INO80D: variants seen among roughly 807,000 people sequenced by gnomAD.
INO80D encodes INO80 complex subunit D.
A neutral mutation model predicts 87.6 loss-of-function variants in INO80D; 21 were observed. That is an observed-to-expected ratio of 0.24 (90% CI 0.17 to 0.35). The LOEUF (loss-of-function observed/expected upper bound fraction) is 0.35, where lower values mean the gene tolerates loss of function less well. Among genes scored for constraint, INO80D ranks in the 10% least tolerant of loss-of-function variants. INO80D has a pLI of 1.00. For missense variants in INO80D, 982 were observed against 1,280.7 expected (o/e 0.77, Z 3.56); for synonymous variants, 440 against 491.0 (o/e 0.90, Z 1.37).
intron 1 of INO80D, among the ~76,000 whole-genome samples, chr2:206,063,978 T>G (rs554107541): frequency 6.6e-6 from 1 of 152,294 alleles, no homozygotes; most frequent in Non-Finnish European, 1.5e-5. Flanking sequence ...TTTATAAATT[T>G]TTCTATGAAA....
chr2:206,068,431 T>C (rs1689876810), intron 1 of INO80D, among the ~76,000 whole-genome samples: 1 of 152,016 alleles, frequency 6.6e-6, no homozygotes, highest in Non-Finnish European at 1.5e-5. Flanking sequence ...GTCAGCAAAC[T>C]AAACTATTTC....
At chr2:206,054,626 A>C (rs1288476830) in intron 4 of INO80D, among the ~76,000 whole-genome samples, 1 of 151,406 alleles carries the variant, frequency 6.6e-6, no homozygotes, top group Non-Finnish European at 1.5e-5. Flanking sequence ...CAATTCTCCC[A>C]CCTCAGCCTC....
intron 5 of INO80D, among the ~76,000 whole-genome samples, chr2:206,030,419 C>A (rs897857326): frequency 1.3e-5 from 2 of 151,130 alleles, no homozygotes; most frequent in African/African-American, 4.9e-5. Flanking sequence ...ACTGAGACCA[C>A]AGCAGTGCAC....
rs1278841159 is a variant in INO80D, at chr2:206,047,225, C to CT, written c.965-614dup. 9.3e-5 allele frequency among the ~76,000 whole-genome samples: 14 copies of CT among 150,786 alleles called. No individual in the cohort carries two copies. In the South Asian group the frequency reaches 1.1e-3, roughly 11 times the overall value. Reference sequence around the variant, plus strand: ...GTCACAAAAAGGCAGAATTTCTTTTCTTTTTTTTTGAGACAGGGTCTTGCT... The same window carrying CT: ...GTCACAAAAAGGCAGAATTTCTTTTCTTTTTTTTTTGAGACAGGGTCTTGCT... On this transcript the variant is annotated intron_variant, in intron 4 of 10. Transcript: ENST00000403263.
intron 1 of INO80D, among the ~76,000 whole-genome samples, chr2:206,068,979 G>T (rs1050651806): frequency 2.0e-4 from 30 of 152,140 alleles, no homozygotes; most frequent in Non-Finnish European, 8.8e-5. Flanking sequence ...GGGATTACAG[G>T]CCTGAGTCAC....
At chr2:206,044,096 G>A (rs971930309) in intron 5 of INO80D, among the ~76,000 whole-genome samples, 4 of 152,098 alleles carry the variant, frequency 2.6e-5, no homozygotes, top group Admixed American at 6.6e-5. Flanking sequence ...GGGAGGCTGT[G>A]GCAGGAGGAT....
Position 206,009,620 on chromosome 2 carries a change from T to C in INO80D, c.1717A>G (p.Met573Val). 6.2e-7 allele frequency: 1 copy of C among 1,613,890 alleles called. No homozygotes were observed. The highest frequency in any genetic ancestry group is 8.5e-7 in the Non-Finnish European group (1 of 1,179,876). ...ACTGGCAGTGAGACGCTGGCGGGCATGCTGAGGTTCCCTTGGGGGACTGCA... is the reference window on the plus strand; with the variant it reads ...ACTGGCAGTGAGACGCTGGCGGGCACGCTGAGGTTCCCTTGGGGGACTGCA... Reference protein sequence around the residue: ...PPAVPQGNLSMPASVSLPVEA... With the variant: ...PPAVPQGNLSVPASVSLPVEA... The change falls in exon 9 of 11, where the codon ATG becomes GTG. Residue 573 changes from methionine (M) to valine (V), a missense_variant. Transcript: ENST00000403263.
At position 206,056,348 on chromosome 2, in the gene INO80D, C is replaced by A. The variant is rs769950541; in HGVS notation, c.814G>T (p.Ala272Ser). 1 of 1,613,860 alleles carries A rather than the reference C, an allele frequency of 6.2e-7. No individual in the cohort carries two copies. The highest frequency in any genetic ancestry group is 8.5e-7 in the Non-Finnish European group (1 of 1,179,872). ...RPLPLLPSSR[A>S]PTVDPPRTDR... is the part of the protein sequence containing the mutation. ...GTCCTGGGTGGGTCCACAGTGGGAG[C>A]CCTACTGGATGGCAGGAGGGGCAGA... is the stretch of plus-strand genomic sequence containing the variant. Residue 272 changes from alanine to serine, a missense_variant, in exon 4 of 11, where the codon GCT becomes TCT. Physicochemically the swap from Ala to Ser is moderately conservative, Grantham distance 99. Coordinates refer to ENST00000403263, the MANE Select transcript of INO80D (RefSeq NM_017759.5).
At chr2:206,063,809 T>C (rs377370734) in intron 1 of INO80D, 69 of 152,340 alleles carry the variant, frequency 4.5e-4, no homozygotes, top group African/African-American at 1.5e-3. Context: ...ACCAAATGAA[T>C]GTCACAGGTA....
In INO80D at chr2:205,999,154, G is replaced by A. The variant is rs1284848342; in HGVS notation, c.*5214C>T. On this transcript the variant is annotated 3_prime_UTR_variant, in exon 11 of 11. Transcript: ENST00000403263. ...AAGGGGAACTTTGGGTGCATACAGA[G>A]CTTACTTCAGTGGTCCCCAGCTTAA... 6.6e-6 allele frequency: 1 copy of A among 152,224 alleles called. No individual in the cohort carries two copies. The highest frequency in any genetic ancestry group is 1.5e-5 in the Non-Finnish European group (1 of 68,100). The allele number at this position is 152,224 out of a possible 1,614,324, so 9.4% of individuals were successfully genotyped here.
At chr2:206,054,272 T>C (rs751704715) in intron 4 of INO80D, among the ~76,000 whole-genome samples, 2 of 151,556 alleles carry the variant, frequency 1.3e-5, no homozygotes, top group Non-Finnish European at 2.9e-5. Context: ...TCCTCCCACC[T>C]CGGCCTCCCA....
At chr2:206,029,372 T>C (rs1254810038) in intron 5 of INO80D, among the ~76,000 whole-genome samples, 1 of 152,204 alleles carries the variant, frequency 6.6e-6, no homozygotes, top group Non-Finnish European at 1.5e-5. Flanking sequence ...TTTTTAGCAA[T>C]GGCTACCACC....
In INO80D at chr2:206,007,339, A is replaced by G; in HGVS notation, c.1863T>C (p.Phe621=). 1 of 1,613,830 alleles carries G rather than the reference A, an allele frequency of 6.2e-7. No homozygotes were observed. The highest frequency in any genetic ancestry group is 1.3e-5 in the African/African-American group (1 of 75,042). Reference sequence around the variant, plus strand: ...CAGGTAGCCGTGGCAGGACATCTGAAAAGTCCTCCTGGTTCAATTCCAAGT... The same window carrying G: ...CAGGTAGCCGTGGCAGGACATCTGAGAAGTCCTCCTGGTTCAATTCCAAGT... ...PHDLELNQED[F]SDVLPRLPDD... is the part of the protein sequence containing the mutation. Residue 621 remains phenylalanine (F), a synonymous_variant, in exon 10 of 11, where the codon TTT becomes TTC. Transcript: ENST00000403263.
intron 1 of INO80D, among the ~76,000 whole-genome samples, chr2:206,065,682 C>T (rs1689796185): frequency 6.6e-6 from 1 of 151,900 alleles, no homozygotes. Flanking sequence ...AAACAAACAT[C>T]TCAAAAGAAA....
At chr2:206,016,917 G>A (rs903411619) in intron 8 of INO80D, among the ~76,000 whole-genome samples, 6 of 152,166 alleles carry the variant, frequency 3.9e-5, no homozygotes, top group South Asian at 2.1e-4. Context: ...AGAACTGTGA[G>A]TCCAATTAAA....
chr2:206,046,518 T>C lies in INO80D; in HGVS notation c.1059A>G (p.Arg353=), dbSNP rs1689199167. 6.2e-7 allele frequency: 1 copy of C among 1,606,540 alleles called. No homozygotes were observed. Among genetic ancestry groups the C allele is most frequent in the South Asian group, 1.1e-5 (1 of 90,890 alleles). The part of the protein sequence containing the change: ...QVAWSIRETL[R]YQRHASDDDD... ...AGAAGACTTACGCATGTCTTTGATA[T>C]CTGAGGGTTTCCCGGATGGACCATG... The change falls in exon 5 of 11, where the codon AGA becomes AGG. Residue 353 remains arginine, a synonymous_variant. Coordinates refer to ENST00000403263, the MANE Select transcript of INO80D (RefSeq NM_017759.5).
intron 4 of INO80D, among the ~76,000 whole-genome samples, chr2:206,055,562 C>A (rs1292125843): frequency 6.6e-6 from 1 of 152,156 alleles, no homozygotes; most frequent in East Asian, 1.9e-4. Context: ...GTGTTAAACT[C>A]ATAAAAGCAT....
chr2:206,013,156 A>C (rs1688223284), intron 8 of INO80D, among the ~76,000 whole-genome samples: 1 of 152,148 alleles, frequency 6.6e-6, no homozygotes, highest in African/African-American at 2.4e-5. Flanking sequence ...CATTATACTA[A>C]TTCAGTCTTA....
chr2:206,010,559 C>T (rs1048711814), intron 8 of INO80D, among the ~76,000 whole-genome samples: 7 of 152,084 alleles, frequency 4.6e-5, no homozygotes, highest in African/African-American at 1.2e-4. Context: ...TTGATGTCAC[C>T]TTTAATTAAT....
Sources: gnomAD v4.1 joint callset for allele counts (sites outside exome capture counted in the v4.1 genomes callset) on GRCh38, gnomAD v4.1.1 for gene constraint, MANE v1.5 for transcripts, NCBI Gene and HGNC (gene_info 2026-07-23, HGNC 2026-07-21) for gene names.